The following SMAD4 variants were observed in gnomAD, a reference collection of about 807,000 sequenced individuals.
SMAD4 encodes the protein SMAD family member 4, also known as MAD homolog 4.
In SMAD4, 7 loss-of-function variants were observed where a neutral mutation model predicts 63.2. The observed-to-expected ratio is 0.11, with a 90% confidence interval of 0.06 to 0.21. The LOEUF is 0.21. Among genes scored for constraint, SMAD4 ranks in the 10% least tolerant of loss-of-function variants. The pLI is 1.00. For missense variants in SMAD4, 312 were observed against 693.8 expected (o/e 0.45, Z 6.18); for synonymous variants, 215 against 235.4 (o/e 0.91, Z 0.79).
chr18:51,049,502 A>G, intron 4 of SMAD4, 178 bp downstream of exon 4: 1 of 601,516 alleles, frequency 1.7e-6, no homozygotes, highest in Non-Finnish European at 3.0e-6. Context: ...TTAAAACTGG[A>G]TTTAAATTGG....
At chr18:51,061,179 G>T (rs553541046) in intron 8 of SMAD4, among the ~76,000 whole-genome samples, 4 of 152,230 alleles carry the variant, frequency 2.6e-5, no homozygotes, top group East Asian at 3.9e-4. Context: ...GGAAGATGGG[G>T]TATACATCCC....
intron 1 of SMAD4, among the ~76,000 whole-genome samples, chr18:51,034,072 T>A (rs1909129310): frequency 6.6e-6 from 1 of 152,194 alleles, no homozygotes; most frequent in South Asian, 2.1e-4. Flanking sequence ...GCCCAAAGAC[T>A]GTATTTCATT....
intron 10 of SMAD4, among the ~76,000 whole-genome samples, chr18:51,071,125 T>G (rs1910304839): frequency 6.6e-6 from 1 of 152,158 alleles, no homozygotes; most frequent in South Asian, 2.1e-4. Flanking sequence ...CATTCGTTTT[T>G]TTGGGTAGCA....
chr18:51,043,789 A>G (rs1364352182), intron 1 of SMAD4, among the ~76,000 whole-genome samples: 1 of 152,232 alleles, frequency 6.6e-6, no homozygotes, highest in African/African-American at 2.4e-5. Flanking sequence ...TAACACTTAA[A>G]CATTTTAATT....
rs965695269 is a variant in SMAD4 at position 51,083,030 on chromosome 18, T to C, written c.*4563T>C. The C allele has an allele frequency of 4.4e-6, 1 of 225,720 alleles. No homozygotes were observed. The highest frequency in any genetic ancestry group is 8.8e-6 in the Non-Finnish European group (1 of 113,264). 14.0% of individuals were successfully genotyped at this position (225,720 alleles called of 1,614,324 possible). A position where few individuals can be genotyped will look rare whatever the true frequency, so the allele number is the denominator to read the frequency against. On this transcript the variant is annotated 3_prime_UTR_variant, in exon 12 of 12. Transcript: ENST00000342988. ...GCTTAGAGTGCTTCCTGATTCTTGC[T>C]GAGTTTCAGGTAGTTGAGATAGAGA...
chr18:51,037,335 A>G (rs1053329055), intron 1 of SMAD4, among the ~76,000 whole-genome samples: 1 of 152,238 alleles, frequency 6.6e-6, no homozygotes, highest in African/African-American at 2.4e-5. Context: ...GGGGTTCACA[A>G]AATCAAAATT....
At chr18:51,046,437 GTT>G (rs35325456) in intron 1 of SMAD4, among the ~76,000 whole-genome samples, 2 of 141,080 alleles carry the variant, frequency 1.4e-5, no homozygotes, top group Non-Finnish European at 3.1e-5. Context: ...CTAAATTGGG[GTT>G]TTTTTTTTTT....
In SMAD4 at chr18:51,048,718, C is replaced by T. The variant is rs1599182415; in HGVS notation, c.282C>T (p.Ile94=). ...VAGRKGFPHV[I]YARLWRWPDL... is the part of the protein sequence containing the mutation. ...GTCGGAAAGGATTTCCTCATGTGATCTATGCCCGTCTCTGGAGGTGGCCTG... is the reference window on the plus strand; with the variant it reads ...GTCGGAAAGGATTTCCTCATGTGATTTATGCCCGTCTCTGGAGGTGGCCTG... The change falls in exon 3 of 12, where the codon ATC becomes ATT. Residue 94 remains isoleucine (I), a synonymous_variant. Coordinates refer to ENST00000342988, the MANE Select transcript of SMAD4 (RefSeq NM_005359.6). 4 of 1,612,648 alleles carry T rather than the reference C, an allele frequency of 2.5e-6. No individual in the cohort carries two copies. In the South Asian group the frequency reaches 4.4e-5, roughly 18 times the overall value.
intron 8 of SMAD4, among the ~76,000 whole-genome samples, chr18:51,062,851 G>GTTTTTTTTTTTTTTTTTTTT (rs71171374): frequency 1.5e-5 from 1 of 65,394 alleles, no homozygotes; most frequent in African/African-American, 6.4e-5. Context: ...GGCTTTACTT[G>GTTTTTTTTTTTTTTTTTTTT]TTTTTTTTTT....
chr18:51,060,086 C>G (rs548911751), intron 8 of SMAD4, among the ~76,000 whole-genome samples, 170 bp downstream of exon 8: 1 of 152,238 alleles, frequency 6.6e-6, no homozygotes, highest in African/African-American at 2.4e-5. Context: ...CACACATAGA[C>G]TGTCTATATT....
Position 51,081,917 on chromosome 18 carries a change from G to A in SMAD4, c.*3450G>A, listed in dbSNP as rs1281107883. ...TGGTAAATGTTTCTGTGCCTGGTTT[G>A]ATGGTAACTGGTTAATAGTTACTCA... On this transcript the variant is annotated 3_prime_UTR_variant, in exon 12 of 12. Transcript: ENST00000342988. 1 of 232,092 alleles carries A rather than the reference G, an allele frequency of 4.3e-6. No individual in the cohort carries two copies. Among genetic ancestry groups the A allele is most frequent in the Non-Finnish European group, 8.5e-6 (1 of 117,478 alleles). The allele number at this position is 232,092 out of a possible 1,614,324, so 14.4% of individuals were successfully genotyped here.
chr18:51,067,522 C>T (rs1057252509), intron 10 of SMAD4, among the ~76,000 whole-genome samples: 20 of 152,190 alleles, frequency 1.3e-4, no homozygotes, highest in African/African-American at 3.4e-4. Flanking sequence ...AAGCAATTCT[C>T]GTGCCTCAGC....
chr18:51,034,735 G>A (rs1245297543), intron 1 of SMAD4, among the ~76,000 whole-genome samples: 2 of 151,786 alleles, frequency 1.3e-5, no homozygotes, highest in African/African-American at 4.8e-5. Flanking sequence ...TGTAGAGATG[G>A]GGGTCTCTCT....
chr18:51,076,849 G>A, intron 11 of SMAD4, 73 bp downstream of exon 11: 1 of 1,199,016 alleles, frequency 8.3e-7, no homozygotes, highest in Non-Finnish European at 1.2e-6. Flanking sequence ...CAGTTGATTA[G>A]TTTCTTTGAG....
chr18:51,043,604 A>T (rs1308529885), intron 1 of SMAD4, among the ~76,000 whole-genome samples: 1 of 152,188 alleles, frequency 6.6e-6, no homozygotes, highest in African/African-American at 2.4e-5. Flanking sequence ...TTGTGGTCAT[A>T]GGAATACAAT....
intron 1 of SMAD4, among the ~76,000 whole-genome samples, chr18:51,039,484 C>T (rs1381363433): frequency 8.0e-6 from 1 of 124,382 alleles, no homozygotes; most frequent in Non-Finnish European, 1.7e-5. Flanking sequence ...GGCCTTCCCC[C>T]CCCCACCCCC....
In SMAD4 at chr18:51,067,175, T is replaced by C. The variant is rs1239820540; in HGVS notation, c.1296T>C (p.Ser432=). Residue 432 remains serine, a synonymous_variant, in exon 10 of 12, where the codon AGT becomes AGC. Coordinates refer to ENST00000342988, the MANE Select transcript of SMAD4 (RefSeq NM_005359.6). The part of the protein sequence containing the change: ...PGDAVHKIYP[S]AYIKVFDLRQ... ...ATGCTGTTCATAAGATCTACCCAAG[T>C]GCATATATAAAGGTTAGTTACAATT... 6.3e-7 allele frequency: 1 copy of C among 1,579,828 alleles called. No individual in the cohort carries two copies. The highest frequency in any genetic ancestry group is 2.2e-5 in the East Asian group (1 of 44,696).
intron 1 of SMAD4, chr18:51,044,909 G>A (rs1909495029): frequency 6.6e-6 from 1 of 152,196 alleles, no homozygotes; most frequent in African/African-American, 2.4e-5. Flanking sequence ...TATTTGGAAA[G>A]TGTACCTTCA....
intron 1 of SMAD4, among the ~76,000 whole-genome samples, chr18:51,039,746 G>A (rs1460561384): frequency 6.6e-6 from 1 of 152,102 alleles, no homozygotes; most frequent in East Asian, 1.9e-4. Context: ...TCTTTTAACA[G>A]CCTTTAATTT....
Sources: allele counts gnomAD v4.1 joint callset (sites outside exome capture counted in the v4.1 genomes callset), GRCh38; gene constraint gnomAD v4.1.1; transcripts MANE v1.5; gene names NCBI Gene and HGNC (gene_info 2026-07-23, HGNC 2026-07-21).